Variants in COL4A2 observed in about 807,000 individuals in gnomAD.
COL4A2 encodes the protein collagen alpha-2(IV) chain.
In COL4A2, 99 loss-of-function variants were observed where a neutral mutation model predicts 200.2. The ratio of observed to expected loss-of-function variants is 0.49; its 90% CI spans 0.42 to 0.58. The LOEUF (loss-of-function observed/expected upper bound fraction) is 0.58. Among genes scored for constraint, COL4A2 ranks in the 20% least tolerant of loss-of-function variants. COL4A2 has a pLI of 0.00. For synonymous variants in COL4A2, 897 were observed against 900.6 expected, an observed-to-expected ratio of 1.00 and a Z score of 0.07; for missense variants, 1,950 against 2,314.1, an observed-to-expected ratio of 0.84 and a Z score of 3.23.
chr13:110,448,388 A>G, intron 18 of COL4A2, among the ~76,000 whole-genome samples: 1 of 152,154 alleles, frequency 6.6e-6, no homozygotes, highest in Admixed American at 6.5e-5. Flanking sequence ...ACTTTTTCCC[A>G]CAAGCGGATT....
At chr13:110,492,267 G>A (rs1173739100) in intron 38 of COL4A2, 90 bp downstream of exon 38, 21 of 1,129,174 alleles carry the variant, frequency 1.9e-5, no homozygotes, top group African/African-American at 1.2e-4. Flanking sequence ...CTCTCAGGGC[G>A]ACTTCTAAGG....
chr13:110,463,511 C>T (rs1025545343), intron 24 of COL4A2, among the ~76,000 whole-genome samples: 1 of 152,176 alleles, frequency 6.6e-6, no homozygotes, highest in Non-Finnish European at 1.5e-5. Context: ...CTATTCGCAG[C>T]TTATTTGCCT....
chr13:110,312,012 G>C (rs1182922338), intron 3 of COL4A2, among the ~76,000 whole-genome samples: 1 of 152,246 alleles, frequency 6.6e-6, no homozygotes, highest in Non-Finnish European at 1.5e-5. Context: ...AGGGAGGAGA[G>C]GTGTTCATGC....
chr13:110,434,501 A>T, intron 12 of COL4A2, 59 bp downstream of exon 12: 1 of 1,526,012 alleles, frequency 6.6e-7, no homozygotes, highest in Admixed American at 1.8e-5. Flanking sequence ...CCAGGAAATA[A>T]ATCATTTTAA....
At chr13:110,320,475 G>T (rs1376345065) in intron 3 of COL4A2, among the ~76,000 whole-genome samples, 1 of 152,226 alleles carries the variant, frequency 6.6e-6, no homozygotes, top group Non-Finnish European at 1.5e-5. Context: ...GATTAGTCAT[G>T]CTGGTGCTTG....
intron 4 of COL4A2, among the ~76,000 whole-genome samples, chr13:110,371,851 G>A (rs1018365490): frequency 3.3e-5 from 5 of 152,068 alleles, no homozygotes; most frequent in South Asian, 2.1e-4. Context: ...TTGTCTTTCC[G>A]TCTCCCCCAG....
chr13:110,460,497 A>C (rs983138929), intron 22 of COL4A2, among the ~76,000 whole-genome samples: 4 of 152,190 alleles, frequency 2.6e-5, no homozygotes, highest in Non-Finnish European at 5.9e-5. Context: ...TAGGATCCTC[A>C]GTTGTTTAAA....
At chr13:110,349,405 C>G (rs1876853609) in intron 3 of COL4A2, among the ~76,000 whole-genome samples, 1 of 152,222 alleles carries the variant, frequency 6.6e-6, no homozygotes, top group Non-Finnish European at 1.5e-5. Flanking sequence ...ACACGATACT[C>G]TCTTCTCACT....
chr13:110,469,930 A>AAATGGAAT (rs1882401366), intron 28 of COL4A2, among the ~76,000 whole-genome samples: 1 of 108,900 alleles, frequency 9.2e-6, no homozygotes, highest in Non-Finnish European at 1.8e-5. Flanking sequence ...TTTTTTTTTT[A>AAATGGAAT]ATGAAATGGA....
At chr13:110,504,350 G>C in intron 45 of COL4A2, 86 bp downstream of exon 45, 4 of 1,170,726 alleles carry the variant, frequency 3.4e-6, no homozygotes, top group East Asian at 2.3e-5. Context: ...GGGGACACAC[G>C]AGAGCCCAGA....
chr13:110,342,193 GA>G (rs1415642295), intron 3 of COL4A2, among the ~76,000 whole-genome samples: 4 of 152,158 alleles, frequency 2.6e-5, no homozygotes, highest in African/African-American at 9.7e-5. Context: ...AGAAAGCTAA[GA>G]ATTTGACTTA....
At chr13:110,432,908 T>G (rs1448353825) in intron 11 of COL4A2, among the ~76,000 whole-genome samples, 1 of 152,236 alleles carries the variant, frequency 6.6e-6, no homozygotes. Flanking sequence ...GTAGGTGGTT[T>G]GTTAGAAACT....
chr13:110,345,564 G>A (rs900464090), intron 3 of COL4A2, among the ~76,000 whole-genome samples: 1 of 152,100 alleles, frequency 6.6e-6, no homozygotes, highest in African/African-American at 2.4e-5. Context: ...AAGAAAGTCA[G>A]ACTCACATTG....
intron 4 of COL4A2, among the ~76,000 whole-genome samples, chr13:110,386,441 C>T (rs1203329408): frequency 6.6e-6 from 1 of 152,158 alleles, no homozygotes; most frequent in Non-Finnish European, 1.5e-5. Flanking sequence ...CAACCCCACT[C>T]CAATCTCAGC....
chr13:110,434,876 T>C (rs992932719), intron 12 of COL4A2, among the ~76,000 whole-genome samples: 3 of 152,202 alleles, frequency 2.0e-5, no homozygotes, highest in Non-Finnish European at 4.4e-5. Context: ...GTAAGGACCA[T>C]GTGGCTTTTC....
chr13:110,476,697 G>A (rs879379508), intron 29 of COL4A2, among the ~76,000 whole-genome samples: 6 of 152,342 alleles, frequency 3.9e-5, no homozygotes, highest in African/African-American at 7.2e-5. Flanking sequence ...GTTAATAATC[G>A]GAGAGCAGCT....
In COL4A2 at chr13:110,434,455, T is replaced by C; in HGVS notation, c.726+13T>C. Reference sequence around the variant, plus strand: ...TAAGGGTGAAAAGGTAAAGGAAGCCTGGTCAATTCCAGCAGAGGCATGCAG... The same window carrying C: ...TAAGGGTGAAAAGGTAAAGGAAGCCCGGTCAATTCCAGCAGAGGCATGCAG... On this transcript the variant is annotated intron_variant, in intron 12 of 47. Coordinates refer to ENST00000360467, the MANE Select transcript of COL4A2 (RefSeq NM_001846.4). The C allele has an allele frequency of 2.5e-6, 4 of 1,613,348 alleles. No homozygotes were observed. The South Asian group carries it at 3.3e-5, about 13-fold the overall frequency.
Position 110,436,375 on chromosome 13 carries a change from G to C in COL4A2, c.825+8G>C. On this transcript the variant is annotated splice_region_variant and intron_variant, in intron 13 of 47. Coordinates refer to ENST00000360467, the MANE Select transcript of COL4A2 (RefSeq NM_001846.4). ...CACCCAGATCAGTACAAGGTAAAGAGCAAAATTGACTCTTTTCATAGTTGA... is the reference window on the plus strand; with the variant it reads ...CACCCAGATCAGTACAAGGTAAAGACCAAAATTGACTCTTTTCATAGTTGA... 1 of 1,608,918 alleles carries C rather than the reference G, an allele frequency of 6.2e-7. No individual in the cohort carries two copies. The highest frequency in any genetic ancestry group is 1.1e-5 in the South Asian group (1 of 90,082).
At chr13:110,459,106 C>T in intron 22 of COL4A2, 172 bp downstream of exon 22, 2 of 613,958 alleles carry the variant, frequency 3.3e-6, no homozygotes, top group Non-Finnish European at 5.2e-6. Flanking sequence ...GGACTTTCTA[C>T]ATGTCCACTG....
Sources: allele counts gnomAD v4.1 joint callset (sites outside exome capture counted in the v4.1 genomes callset), GRCh38; gene constraint gnomAD v4.1.1; transcripts MANE v1.5; gene names NCBI Gene and HGNC (gene_info 2026-07-23, HGNC 2026-07-21).